The following PCDH15 variants were observed in gnomAD, a reference collection of about 807,000 sequenced individuals.
PCDH15 encodes the protein protocadherin related 15.
A neutral mutation model predicts 178.5 loss-of-function variants in PCDH15; 129 were observed. The observed-to-expected ratio is 0.72, with a 90% CI of 0.63 to 0.84. The LOEUF is 0.84. Ranked by LOEUF, PCDH15 falls within the 40% of genes least tolerant of loss-of-function variation. The pLI, the probability that PCDH15 is intolerant of heterozygous loss-of-function variation, is 0.00. For synonymous variants in PCDH15, 800 were observed against 732.0 expected, an observed-to-expected ratio of 1.09 and a Z score of -1.50; for missense variants, 2,230 against 2,099.9, an observed-to-expected ratio of 1.06 and a Z score of -1.21.
At chr10:54,009,049 G>A (rs1181185320) in intron 20 of PCDH15, among the ~76,000 whole-genome samples, 1 of 151,656 alleles carries the variant, frequency 6.6e-6, no homozygotes, top group African/African-American at 2.4e-5. Context: ...CTCCCTTCAG[G>A]CAATCCATAA....
intron 2 of PCDH15, among the ~76,000 whole-genome samples, chr10:55,106,443 C>T (rs1361082413): frequency 2.6e-5 from 4 of 152,258 alleles, no homozygotes; most frequent in East Asian, 1.9e-4. Context: ...GAAGGAGTCT[C>T]GCTCTTGTCG....
chr10:55,110,163 A>C (rs911113082), intron 2 of PCDH15, among the ~76,000 whole-genome samples: 27 of 151,966 alleles, frequency 1.8e-4, no homozygotes, highest in African/African-American at 5.8e-4. Flanking sequence ...AAGAGCCAAT[A>C]AGATGTAGGG....
chr10:53,866,547 G>A (rs560608138), intron 27 of PCDH15, 95 bp downstream of exon 27: 77 of 915,750 alleles, frequency 8.4e-5, no homozygotes, highest in African/African-American at 4.5e-4. Flanking sequence ...TTGAAAACCC[G>A]TTTTAAATTA....
intron 3 of PCDH15, among the ~76,000 whole-genome samples, chr10:54,381,785 A>T (rs1219152083): frequency 6.6e-6 from 1 of 152,132 alleles, no homozygotes; most frequent in Non-Finnish European, 1.5e-5. Context: ...CATAATAAAA[A>T]TGGTGGCAGT....
At chr10:53,968,215 G>T (rs7910613) in intron 21 of PCDH15, among the ~76,000 whole-genome samples, 88,447 of 151,928 alleles carry the variant, frequency 0.58, 26,244 homozygotes, top group East Asian at 0.75. Context: ...TCCCACGCCT[G>T]GCTCAGAGGG....
At chr10:54,143,553 G>A (rs1251382292) in intron 14 of PCDH15, among the ~76,000 whole-genome samples, 1 of 152,116 alleles carries the variant, frequency 6.6e-6, no homozygotes, top group Non-Finnish European at 1.5e-5. Context: ...CTAATTGAAA[G>A]GCTGATGTGT....
chr10:55,397,495 T>C (rs556018941), intron 2 of PCDH15, among the ~76,000 whole-genome samples: 2 of 152,334 alleles, frequency 1.3e-5, no homozygotes, highest in African/African-American at 2.4e-5. Context: ...CTCCTTTTCA[T>C]AGCAAATTCT....
intron 15 of PCDH15, among the ~76,000 whole-genome samples, chr10:54,119,573 T>C (rs964437732): frequency 6.6e-6 from 1 of 152,088 alleles, no homozygotes; most frequent in Non-Finnish European, 1.5e-5. Context: ...GAAATTACAT[T>C]TGAGGGAAAA....
intron 2 of PCDH15, among the ~76,000 whole-genome samples, chr10:55,329,592 G>C (rs1324825691): frequency 6.6e-6 from 1 of 151,772 alleles, no homozygotes; most frequent in Non-Finnish European, 1.5e-5. Context: ...AGCAAGATGA[G>C]GGACTGCTAA....
At chr10:54,421,125 T>C (rs1955230020) in intron 3 of PCDH15, among the ~76,000 whole-genome samples, 2 of 152,140 alleles carry the variant, frequency 1.3e-5, no homozygotes, top group South Asian at 4.1e-4. Flanking sequence ...TGTATTGTAT[T>C]GTATTTGCAG....
At chr10:54,255,903 C>T (rs1428610292) in intron 8 of PCDH15, among the ~76,000 whole-genome samples, 1 of 152,150 alleles carries the variant, frequency 6.6e-6, no homozygotes, top group Non-Finnish European at 1.5e-5. Context: ...GACGCCTCAG[C>T]ATAGGTGCAA....
intron 10 of PCDH15, among the ~76,000 whole-genome samples, chr10:54,206,568 C>T (rs2050817236): frequency 6.6e-6 from 1 of 152,194 alleles, no homozygotes; most frequent in African/African-American, 2.4e-5. Flanking sequence ...GAGAAAACCA[C>T]ACTAAAGTAC....
intron 1 of PCDH15, among the ~76,000 whole-genome samples, chr10:54,780,408 C>T (rs1486703810): frequency 2.0e-5 from 3 of 152,070 alleles, no homozygotes; most frequent in East Asian, 1.9e-4. Flanking sequence ...GCAAAACCTG[C>T]AAGGCTTGGG....
chr10:54,442,390 TAAA>T (rs71461241), intron 3 of PCDH15, among the ~76,000 whole-genome samples: 351 of 26,606 alleles, frequency 0.013, 12 homozygotes, highest in Non-Finnish European at 0.022. Context: ...CCTTTTTTTT[TAAA>T]AAAAAAAAAG....
chr10:54,791,484 C>A (rs1223058906), intron 1 of PCDH15, among the ~76,000 whole-genome samples: 1 of 151,858 alleles, frequency 6.6e-6, no homozygotes, highest in Non-Finnish European at 1.5e-5. Flanking sequence ...GGTCCACAGA[C>A]CTTTTCTTTT....
At chr10:55,306,006 T>C (rs886712254) in intron 1 of PCDH15, among the ~76,000 whole-genome samples, 3 of 152,218 alleles carry the variant, frequency 2.0e-5, no homozygotes, top group Non-Finnish European at 2.9e-5. Context: ...AAAACAACTT[T>C]AGCCTGAAAC....
chr10:54,572,436 G>A (rs1304601424), intron 2 of PCDH15, among the ~76,000 whole-genome samples: 1 of 152,114 alleles, frequency 6.6e-6, no homozygotes, highest in Non-Finnish European at 1.5e-5. Flanking sequence ...TCACAAAGTA[G>A]ATGAAGATAT....
chr10:54,291,481 A>G (rs2059399947), intron 8 of PCDH15, among the ~76,000 whole-genome samples: 1 of 152,228 alleles, frequency 6.6e-6, no homozygotes, highest in African/African-American at 2.4e-5. Context: ...TCAGAGCAGA[A>G]CTGAAGGAGA....
At chr10:54,643,451 T>G (rs552471696) in intron 2 of PCDH15, among the ~76,000 whole-genome samples, 33 of 152,296 alleles carry the variant, frequency 2.2e-4, no homozygotes, top group African/African-American at 7.7e-4. Context: ...ATAAGTATAA[T>G]TTGCTAATAC....
Sources: gnomAD v4.1 joint callset for allele counts (sites outside exome capture counted in the v4.1 genomes callset) on GRCh38, gnomAD v4.1.1 for gene constraint, MANE v1.5 for transcripts, NCBI Gene and HGNC (gene_info 2026-07-23, HGNC 2026-07-21) for gene names.